Variants in NLRP4 observed in about 807,000 individuals in gnomAD.
The protein encoded by NLRP4 is NACHT, LRR and PYD domains-containing protein 4.
A neutral mutation model predicts 84.7 loss-of-function variants in NLRP4; 44 were observed. The observed-to-expected ratio is 0.52, with a 90% confidence interval of 0.41 to 0.67. The LOEUF (loss-of-function observed/expected upper bound fraction) is 0.67, where lower values mean the gene tolerates loss of function less well. Ranked by LOEUF, NLRP4 falls within the 30% of genes least tolerant of loss-of-function variation. NLRP4 has a pLI of 0.00. For synonymous variants in NLRP4, 544 were observed against 476.4 expected (o/e 1.14, Z -1.85); for missense variants, 1,260 against 1,219.4 (o/e 1.03, Z -0.50).
chr19:55,844,654 T>A (rs900359222), intron 1 of NLRP4, among the ~76,000 whole-genome samples: 1 of 152,178 alleles, frequency 6.6e-6, no homozygotes, highest in African/African-American at 2.4e-5. Context: ...TCATCTTACA[T>A]GTTCCAGTAC....
Position 55,867,703 on chromosome 19 carries a change from C to A in NLRP4, c.2187-6C>A. The A allele has an allele frequency of 1.2e-6, 2 of 1,611,780 alleles. No individual in the cohort carries two copies. Among genetic ancestry groups the A allele is most frequent in the Non-Finnish European group, 8.5e-7 (1 of 1,178,508 alleles). On this transcript the variant is annotated splice_region_variant and splice_polypyrimidine_tract_variant and intron_variant, in intron 5 of 9. Transcript: ENST00000301295. The stretch of plus-strand genomic sequence containing the variant: ...AACAGAATGTGACATTTTCCCTTTC[C>A]TGCAGGCTGGTAAATTGTCACCTCT...
intron 9 of NLRP4, among the ~76,000 whole-genome samples, chr19:55,879,406 G>A (rs989458502): frequency 2.0e-5 from 3 of 152,200 alleles, no homozygotes; most frequent in African/African-American, 7.2e-5. Flanking sequence ...GGTGGGAGGT[G>A]TGGTGTCTGA....
chr19:55,869,808 G>T (rs1205083246), intron 6 of NLRP4, among the ~76,000 whole-genome samples: 1 of 151,720 alleles, frequency 6.6e-6, no homozygotes, highest in Admixed American at 6.6e-5. Flanking sequence ...TCATAAACTG[G>T]CTGGGATTGG....
intron 1 of NLRP4, among the ~76,000 whole-genome samples, chr19:55,841,265 C>T (rs948035899): frequency 6.6e-6 from 1 of 152,188 alleles, no homozygotes; most frequent in East Asian, 1.9e-4. Context: ...GTTGACCAAT[C>T]GCTCCTGGTC....
chr19:55,838,057 A>C (rs1234260361), intron 1 of NLRP4, among the ~76,000 whole-genome samples: 3 of 145,660 alleles, frequency 2.1e-5, no homozygotes. Context: ...AGTGGCTCAC[A>C]CCTATAATCC....
intron 2 of NLRP4, among the ~76,000 whole-genome samples, chr19:55,855,196 T>C (rs1234296582): frequency 6.6e-6 from 1 of 152,128 alleles, no homozygotes; most frequent in East Asian, 1.9e-4. Context: ...GGTAACAGAG[T>C]GAGACCCTGT....
chr19:55,837,101 G>C (rs997937686), intron 1 of NLRP4, among the ~76,000 whole-genome samples, 167 bp downstream of exon 1: 2 of 152,178 alleles, frequency 1.3e-5, no homozygotes, highest in South Asian at 4.1e-4. Flanking sequence ...TATATTAGCT[G>C]CAGAGAGATG....
At chr19:55,852,425 G>A (rs1041618806) in intron 2 of NLRP4, 65 bp downstream of exon 2, 62 of 1,042,074 alleles carry the variant, frequency 5.9e-5, no homozygotes, top group African/African-American at 5.8e-4. Flanking sequence ...TTTGGTGAGT[G>A]GTCTCTGCCT....
chr19:55,846,495 C>T (rs1468036355), intron 1 of NLRP4, among the ~76,000 whole-genome samples: 2 of 152,146 alleles, frequency 1.3e-5, no homozygotes, highest in African/African-American at 4.8e-5. Context: ...AATGTTCTTG[C>T]CCAAAGTCAT....
At position 55,862,160 on chromosome 19, in the gene NLRP4, GTAA is replaced by G. The variant is rs1984787271; in HGVS notation, c.2186+2_2186+4del. 1 of 1,609,166 alleles carries G rather than the reference GTAA, an allele frequency of 6.2e-7. No individual in the cohort carries two copies. Among genetic ancestry groups the G allele is most frequent in the African/African-American group, 1.3e-5 (1 of 74,756 alleles). On this transcript the variant is annotated splice_donor_variant and splice_donor_region_variant and intron_variant, in intron 5 of 9. Coordinates refer to ENST00000301295, the MANE Select transcript of NLRP4 (RefSeq NM_134444.5). LOFTEE classifies it high-confidence loss of function. The stretch of plus-strand genomic sequence containing the variant: ...CAGCAGGCAACGTCAAAGAGCTAGC[GTAA>G]GTCTCCGTTTATTGAGACCACTGAT...
rs1985409392 is a variant in NLRP4 at position 55,877,247 on chromosome 19, A to T, written c.2696+81A>T. 2.3e-6 allele frequency: 3 copies of T among 1,314,664 alleles called. No individual in the cohort carries two copies. In the African/African-American group the frequency reaches 4.4e-5, roughly 19 times the overall value. The allele number at this position is 1,314,664 out of a possible 1,614,324, so 81.4% of individuals were successfully genotyped here. ...GATGGGAAGAAAGAGAAAGATGAAA[A>T]CTCCAACAGGACCACATAGCAGCTA... On this transcript the variant is annotated intron_variant, in intron 8 of 9. Coordinates refer to ENST00000301295, the MANE Select transcript of NLRP4 (RefSeq NM_134444.5).
intron 1 of NLRP4, among the ~76,000 whole-genome samples, chr19:55,850,258 C>T (rs1290253606): frequency 1.5e-5 from 2 of 135,154 alleles, no homozygotes; most frequent in South Asian, 2.4e-4. Flanking sequence ...TCCGAGGCTG[C>T]GGTGTAATTT....
At chr19:55,871,454 T>G (rs1362380114) in intron 7 of NLRP4, among the ~76,000 whole-genome samples, 1 of 152,230 alleles carries the variant, frequency 6.6e-6, no homozygotes, top group Non-Finnish European at 1.5e-5. Flanking sequence ...AAGGGTAGCA[T>G]GAGATGAGCC....
In NLRP4 at chr19:55,852,345, A is replaced by G. The variant is rs745479014; in HGVS notation, c.265A>G (p.Met89Val). 3 of 1,602,056 alleles carry G rather than the reference A, an allele frequency of 1.9e-6. No individual in the cohort carries two copies. Among genetic ancestry groups the G allele is most frequent in the Admixed American group, 1.8e-5 (1 of 56,716 alleles). The change falls in exon 2 of 10, where the codon ATG (methionine) becomes GTG (valine). Residue 89 changes from methionine (M) to valine (V), a missense_variant. Transcript: ENST00000301295. ...MDRKDLCMKV[M>V]RERTGYTKTY... Reference sequence around the variant, plus strand: ...TAGAAAGGATCTCTGCATGAAGGTCATGAGGGAGAGAACAGGTGAGGGAGT... The same window carrying G: ...TAGAAAGGATCTCTGCATGAAGGTCGTGAGGGAGAGAACAGGTGAGGGAGT...
At chr19:55,839,231 T>G (rs924640625) in intron 1 of NLRP4, among the ~76,000 whole-genome samples, 4 of 152,078 alleles carry the variant, frequency 2.6e-5, no homozygotes, top group African/African-American at 9.7e-5. Context: ...CATGCAGTGT[T>G]TGGTTTTCTG....
chr19:55,872,460 C>A (rs1985222356), intron 7 of NLRP4, among the ~76,000 whole-genome samples: 1 of 152,116 alleles, frequency 6.6e-6, no homozygotes, highest in Admixed American at 6.5e-5. Flanking sequence ...ATCTAATTAT[C>A]TATAAAGCTA....
At chr19:55,838,033 C>T (rs1983442613) in intron 1 of NLRP4, among the ~76,000 whole-genome samples, 2 of 149,750 alleles carry the variant, frequency 1.3e-5, no homozygotes, top group African/African-American at 4.9e-5. Flanking sequence ...GAGACTCGGT[C>T]TCAAGCTGGA....
In NLRP4 at chr19:55,858,744, C is replaced by T. The variant is rs867925899; in HGVS notation, c.1351C>T (p.Leu451Phe). 2 of 1,614,088 alleles carry T rather than the reference C, an allele frequency of 1.2e-6. No homozygotes were observed. The highest frequency in any genetic ancestry group is 1.1e-5 in the South Asian group (1 of 91,070). ...YGERESSYVFLHVCIQEFCAA... is the reference protein window; with the variant it reads ...YGERESSYVFFHVCIQEFCAA... ...GGAGCGTGAGAGCTCCTACGTGTTC[C>T]TCCACGTGTGTATCCAGGAGTTCTG... The change falls in exon 3 of 10, where the codon CTC becomes TTC. Residue 451 changes from leucine to phenylalanine, a missense_variant. Leu to Phe is a conservative substitution (Grantham distance 22). Around this residue, in one of 3 missense-constraint regions of NLRP4, gnomAD observed 712 missense variants for 669.2 expected, o/e 1.06. Coordinates refer to ENST00000301295, the MANE Select transcript of NLRP4 (RefSeq NM_134444.5). The surrounding 1 kb of genome is among the most constrained non-coding windows in gnomAD (Gnocchi z 4.2).
Position 55,861,856 on chromosome 19 carries a change from T to G in NLRP4, c.2019-136T>G, listed in dbSNP as rs1600233187. 5.2e-5 allele frequency: 37 copies of G among 708,282 alleles called. No individual in the cohort carries two copies. In the East Asian group the frequency reaches 9.5e-4, roughly 18 times the overall value. 43.9% of individuals were successfully genotyped at this position (708,282 alleles called of 1,614,324 possible). A position where few individuals can be genotyped will look rare whatever the true frequency, so the allele number is the denominator to read the frequency against. On this transcript the variant is annotated intron_variant, in intron 4 of 9. Coordinates refer to ENST00000301295, the MANE Select transcript of NLRP4 (RefSeq NM_134444.5). Reference sequence around the variant, plus strand: ...CTTGTGGGGGCAAAATCTCTCAAGTTGAGAACTACTGAGCTGTGTCATTGG... The same window carrying G: ...CTTGTGGGGGCAAAATCTCTCAAGTGGAGAACTACTGAGCTGTGTCATTGG...
Sources: allele counts gnomAD v4.1 joint callset (sites outside exome capture counted in the v4.1 genomes callset), GRCh38; gene constraint gnomAD v4.1.1; regional missense constraint gnomAD v4.1.1; non-coding constraint Gnocchi (gnomAD v3.1); transcripts MANE v1.5; gene names NCBI Gene and HGNC (gene_info 2026-07-23, HGNC 2026-07-21).